SLC12A1: variants seen among roughly 807,000 people sequenced by gnomAD.
The protein encoded by SLC12A1 is Na-K-2Cl cotransporter.
Under a neutral mutation model 130.4 loss-of-function variants are expected in SLC12A1, and 89 were observed. That is an observed-to-expected ratio of 0.68 (90% CI 0.58 to 0.81). The LOEUF (loss-of-function observed/expected upper bound fraction) is 0.81, where lower values mean the gene tolerates loss of function less well. Ranked by LOEUF, SLC12A1 falls within the 40% of genes least tolerant of loss-of-function variation. The pLI is 0.00. For synonymous variants in SLC12A1, 499 were observed against 460.0 expected, an observed-to-expected ratio of 1.08 and a Z score of -1.09; for missense variants, 1,310 against 1,336.4, an observed-to-expected ratio of 0.98 and a Z score of 0.31.
At chr15:48,231,246 A>C (rs535371737) in intron 7 of SLC12A1, among the ~76,000 whole-genome samples, 1 of 152,246 alleles carries the variant, frequency 6.6e-6, no homozygotes, top group Non-Finnish European at 1.5e-5. Context: ...TGCCTACCAC[A>C]TGTTGAGCAT....
chr15:48,235,203 T>A, intron 9 of SLC12A1, 199 bp downstream of exon 9: 1 of 652,968 alleles, frequency 1.5e-6, no homozygotes, highest in Non-Finnish European at 2.7e-6. Flanking sequence ...CTTCCAAAAG[T>A]CTTATTCAGT....
intron 4 of SLC12A1, among the ~76,000 whole-genome samples, chr15:48,221,836 A>C (rs890662636): frequency 6.6e-6 from 1 of 152,224 alleles, no homozygotes; most frequent in Non-Finnish European, 1.5e-5. Flanking sequence ...TCTCAGGAAT[A>C]TGGAAGTTCT....
At chr15:48,275,709 A>T (rs971919395) in intron 20 of SLC12A1, among the ~76,000 whole-genome samples, 1 of 152,190 alleles carries the variant, frequency 6.6e-6, no homozygotes, top group African/African-American at 2.4e-5. Context: ...TAGACAACCA[A>T]AAGCAGATTC....
intron 5 of SLC12A1, chr15:48,228,987 A>T: frequency 2.2e-6 from 1 of 460,154 alleles, no homozygotes; most frequent in Non-Finnish European, 3.8e-6. Context: ...TTAAGTCAGG[A>T]TACTTCTATT....
chr15:48,215,221 A>G (rs2041105844), intron 2 of SLC12A1, among the ~76,000 whole-genome samples: 1 of 152,134 alleles, frequency 6.6e-6, no homozygotes, highest in Non-Finnish European at 1.5e-5. Context: ...TAAATAAAAT[A>G]ATTTAATCTT....
chr15:48,259,747 T>A lies in SLC12A1; in HGVS notation c.2154+436T>A, dbSNP rs192460926. Among the ~76,000 whole-genome samples, 38 of 152,262 alleles carry A rather than the reference T, an allele frequency of 2.5e-4. No homozygotes were observed. The East Asian group carries it at 6.8e-3, about 27-fold the overall frequency. On this transcript the variant is annotated intron_variant, in intron 17 of 26. Coordinates refer to ENST00000380993, the MANE Select transcript of SLC12A1 (RefSeq NM_000338.3). Reference sequence around the variant, plus strand: ...AGCACATAGAATTTAGATTAAATATTTGGATAAGTTTGATGACATTGCAGA... The same window carrying A: ...AGCACATAGAATTTAGATTAAATATATGGATAAGTTTGATGACATTGCAGA...
intron 17 of SLC12A1, among the ~76,000 whole-genome samples, chr15:48,265,817 A>G (rs1368812705): frequency 6.6e-6 from 1 of 152,234 alleles, no homozygotes; most frequent in Non-Finnish European, 1.5e-5. Context: ...AATGTTGTGT[A>G]ATAGAAATAT....
At chr15:48,260,129 G>T (rs1355085579) in intron 17 of SLC12A1, among the ~76,000 whole-genome samples, 1 of 152,066 alleles carries the variant, frequency 6.6e-6, no homozygotes, top group African/African-American at 2.4e-5. Flanking sequence ...GCCAGGCATG[G>T]TGATGCATGC....
At chr15:48,248,187 C>T (rs1210898588) in intron 13 of SLC12A1, among the ~76,000 whole-genome samples, 1 of 152,174 alleles carries the variant, frequency 6.6e-6, no homozygotes, top group African/African-American at 2.4e-5. Context: ...GAGACTTCCT[C>T]AGCACAGCAG....
At chr15:48,273,015 G>A (rs769908807) in intron 19 of SLC12A1, among the ~76,000 whole-genome samples, 7 of 146,116 alleles carry the variant, frequency 4.8e-5, no homozygotes, top group Non-Finnish European at 1.0e-4. Flanking sequence ...GGTTGAGGCA[G>A]AATTGCTTGA....
intron 10 of SLC12A1, 108 bp from the exon 11 acceptor site, chr15:48,244,645 G>A (rs1292836880): frequency 4.6e-6 from 5 of 1,086,276 alleles, no homozygotes; most frequent in African/African-American, 3.1e-5. Flanking sequence ...AGTGAACAGA[G>A]GCTAAGAAAT....
intron 24 of SLC12A1, among the ~76,000 whole-genome samples, chr15:48,294,074 G>T (rs186558220): frequency 1.2e-4 from 18 of 150,448 alleles, no homozygotes; most frequent in Admixed American, 8.6e-4. Flanking sequence ...AAGGAGCCAA[G>T]CACTGTGACT....
intron 19 of SLC12A1, among the ~76,000 whole-genome samples, chr15:48,270,186 T>A (rs570677235): frequency 6.6e-6 from 1 of 152,256 alleles, no homozygotes; most frequent in South Asian, 2.1e-4. Flanking sequence ...TATCTCCCTC[T>A]GCTAAGAGGC....
At chr15:48,249,516 C>A (rs1597427257) in intron 13 of SLC12A1, 59 bp from the exon 14 acceptor site, 3 of 1,219,526 alleles carry the variant, frequency 2.5e-6, no homozygotes, top group East Asian at 2.3e-5. Flanking sequence ...GCTATAACAG[C>A]TGTTCAGCCC....
chr15:48,298,884 G>A (rs541377376), intron 24 of SLC12A1, among the ~76,000 whole-genome samples: 2 of 152,348 alleles, frequency 1.3e-5, no homozygotes, highest in East Asian at 3.9e-4. Context: ...GTATGCGTAT[G>A]TGTGTTAATA....
intron 20 of SLC12A1, among the ~76,000 whole-genome samples, chr15:48,277,177 G>A (rs1224980876): frequency 5.3e-5 from 8 of 152,058 alleles, no homozygotes; most frequent in African/African-American, 1.9e-4. Context: ...TTTCCAGACT[G>A]AGGAAATGGC....
At chr15:48,294,630 T>C (rs2042156023) in intron 24 of SLC12A1, among the ~76,000 whole-genome samples, 1 of 152,228 alleles carries the variant, frequency 6.6e-6, no homozygotes, top group South Asian at 2.1e-4. Context: ...CCATTCTCTA[T>C]GTCATTGCAT....
At chr15:48,248,597 T>A (rs1321956486) in intron 13 of SLC12A1, among the ~76,000 whole-genome samples, 1 of 152,124 alleles carries the variant, frequency 6.6e-6, no homozygotes, top group African/African-American at 2.4e-5. Context: ...TTTGCATCAT[T>A]GCATCATTTG....
intron 24 of SLC12A1, among the ~76,000 whole-genome samples, chr15:48,296,412 C>T (rs1020689534): frequency 2.6e-4 from 39 of 152,110 alleles, no homozygotes; most frequent in African/African-American, 8.9e-4. Flanking sequence ...AACTGAAAAG[C>T]TCTTGTGCTT....
Sources: gnomAD v4.1 joint callset for allele counts (sites outside exome capture counted in the v4.1 genomes callset) on GRCh38, gnomAD v4.1.1 for gene constraint, MANE v1.5 for transcripts, NCBI Gene and HGNC (gene_info 2026-07-23, HGNC 2026-07-21) for gene names.